CIT: variants seen among roughly 807,000 people sequenced by gnomAD.
CIT encodes citron rho-interacting serine/threonine kinase, also known as citron Rho-interacting kinase.
CIT carries 79 observed loss-of-function variants against 272.7 expected under a neutral mutation model. That is an observed-to-expected ratio of 0.29 (90% CI 0.24 to 0.35). CIT has a LOEUF of 0.35. Ranked by LOEUF, CIT falls within the 10% of genes least tolerant of loss-of-function variation. The pLI is 1.00. For synonymous variants in CIT, 948 were observed against 995.6 expected (o/e 0.95, Z 0.90); for missense variants, 1,909 against 2,618.3 (o/e 0.73, Z 5.91).
At chr12:119,852,376 T>C (rs1970277366) in intron 4 of CIT, among the ~76,000 whole-genome samples, 2 of 152,074 alleles carry the variant, frequency 1.3e-5, no homozygotes, top group African/African-American at 4.8e-5. Context: ...GACAGGACAA[T>C]TAAGTGTCAC....
Position 119,795,177 on chromosome 12 carries a change from T to C in CIT, c.1295+8029A>G, listed in dbSNP as rs203348. Among the ~76,000 whole-genome samples the C allele has an allele frequency of 8.3e-3, 1,257 of 151,060 alleles. 17 individuals carry two copies. Among genetic ancestry groups the C allele is most frequent in the African/African-American group, 0.029 (1,192 of 41,124 alleles). Reference sequence around the variant, plus strand: ...CTGGCAGATCACTTGAGGTCAGGAGTTCAAGACAGGCCTGGCCAACATGGT... The same window carrying C: ...CTGGCAGATCACTTGAGGTCAGGAGCTCAAGACAGGCCTGGCCAACATGGT... On this transcript the variant is annotated intron_variant, in intron 10 of 47. Coordinates refer to ENST00000392521, the MANE Select transcript of CIT (RefSeq NM_001206999.2).
In CIT at chr12:119,859,873, C is replaced by G. The variant is rs114224035; in HGVS notation, c.239-2175G>C. 4.8e-3 allele frequency among the ~76,000 whole-genome samples: 735 copies of G among 152,160 alleles called. 5 individuals carry two copies. Among genetic ancestry groups the G allele is most frequent in the African/African-American group, 0.017 (696 of 41,530 alleles). ...CCAGGCTGGAATGCAGTGGTGAAATCATAGAATCATAACTCACTGCAGCCT... is the reference window on the plus strand; with the variant it reads ...CCAGGCTGGAATGCAGTGGTGAAATGATAGAATCATAACTCACTGCAGCCT... On this transcript the variant is annotated intron_variant, in intron 3 of 47. Transcript: ENST00000392521.
intron 9 of CIT, among the ~76,000 whole-genome samples, chr12:119,814,665 G>A: frequency 6.6e-6 from 1 of 152,114 alleles, no homozygotes; most frequent in Admixed American, 6.5e-5. Context: ...AACAAAACAT[G>A]ACCAGATAAC....
intron 2 of CIT, 99 bp from the exon 3 acceptor site, chr12:119,869,300 A>T: frequency 8.9e-7 from 1 of 1,125,362 alleles, no homozygotes; most frequent in Non-Finnish European, 1.3e-6. Context: ...AACTCAACTA[A>T]CTGCTCACGA....
Position 119,742,457 on chromosome 12 carries a change from C to T in CIT, c.2912G>A (p.Arg971Lys), listed in dbSNP as rs777434187. Residue 971 changes from arginine (R) to lysine (K), a missense_variant, in exon 24 of 48, where the codon AGA becomes AAA. Arg to Lys is a conservative substitution (Grantham distance 26, BLOSUM62 2). This residue lies in a region of CIT where 530 missense variants were observed against 822.4 expected (regional missense o/e 0.64). Transcript: ENST00000392521. ...ATCAAATTTGCGCTGGATTTCATCT[C>T]TATGTGCCTAAAAGGTAAGAAGTTG... is the stretch of plus-strand genomic sequence containing the variant. ...EEEIQALTAHRDEIQRKFDAL... is the reference protein window; with the variant it reads ...EEEIQALTAHKDEIQRKFDAL... The T allele has an allele frequency of 1.9e-6, 3 of 1,610,312 alleles. No homozygotes were observed. Among genetic ancestry groups the T allele is most frequent in the Admixed American group, 3.4e-5 (2 of 58,984 alleles).
In CIT at chr12:119,822,763, T is replaced by C. The variant is rs554245260; in HGVS notation, c.1111+57A>G. ...CTTTGGGCCAGAACAATCTCAGATCTCTCTTGAGTGTTTCATAATCCCAAC... is the reference window on the plus strand; with the variant it reads ...CTTTGGGCCAGAACAATCTCAGATCCCTCTTGAGTGTTTCATAATCCCAAC... On this transcript the variant is annotated intron_variant, in intron 9 of 47. Coordinates refer to ENST00000392521, the MANE Select transcript of CIT (RefSeq NM_001206999.2). 1.0e-5 allele frequency: 16 copies of C among 1,568,808 alleles called. No homozygotes were observed. The African/African-American group carries it at 2.0e-4, about 20-fold the overall frequency.
At chr12:119,817,078 T>C in intron 9 of CIT, among the ~76,000 whole-genome samples, 1 of 152,214 alleles carries the variant, frequency 6.6e-6, no homozygotes, top group South Asian at 2.1e-4. Context: ...AATCCCAAGA[T>C]TAGAAGTGGG....
intron 20 of CIT, among the ~76,000 whole-genome samples, chr12:119,760,315 G>C (rs981428052): frequency 3.3e-5 from 5 of 151,844 alleles, no homozygotes; most frequent in African/African-American, 1.2e-4. Flanking sequence ...GATTAGAAAA[G>C]AGACAAACAG....
chr12:119,775,653 A>G, intron 16 of CIT, 133 bp downstream of exon 16: 1 of 657,656 alleles, frequency 1.5e-6, no homozygotes, highest in Non-Finnish European at 2.7e-6. Context: ...GTAATCGCTC[A>G]CTCCCCCTTC....
In CIT at chr12:119,713,564, G is replaced by A; in HGVS notation, c.4391C>T (p.Thr1464Ile). ...GLPAEYATHF[T>I]EAFCRDKMNS... ...CATTTTGTCACGGCAGAAGGCCTCGGTGAAGTGTGTGGCATATTCAGCAGG... is the reference window on the plus strand; with the variant it reads ...CATTTTGTCACGGCAGAAGGCCTCGATGAAGTGTGTGGCATATTCAGCAGG... The change falls in exon 34 of 48, where the codon ACC (threonine) becomes ATC (isoleucine). Residue 1464 changes from threonine (T) to isoleucine (I), a missense_variant. Around this residue, in one of 8 missense-constraint regions of CIT, gnomAD observed 780 missense variants for 1,067.2 expected, o/e 0.73. Transcript: ENST00000392521. The surrounding 1 kb of genome is among the most constrained non-coding windows in gnomAD (Gnocchi z 5.2). 1.2e-6 allele frequency: 2 copies of A among 1,614,260 alleles called. No individual in the cohort carries two copies. Among genetic ancestry groups the A allele is most frequent in the East Asian group, 4.5e-5 (2 of 44,886 alleles).
intron 2 of CIT, among the ~76,000 whole-genome samples, chr12:119,869,790 AG>A (rs1950615141): frequency 6.6e-6 from 1 of 152,220 alleles, no homozygotes; most frequent in African/African-American, 2.4e-5. Flanking sequence ...TTTCAAAATC[AG>A]GAGATTCCAT....
chr12:119,801,824 T>C (rs567719416), intron 10 of CIT, among the ~76,000 whole-genome samples: 11 of 152,180 alleles, frequency 7.2e-5, no homozygotes, highest in Non-Finnish European at 1.5e-4. Flanking sequence ...GCTTTGGGGT[T>C]GTGGAGCAAA....
At chr12:119,711,126 A>G (rs540447215) in intron 37 of CIT, 1 of 1,365,338 alleles carries the variant, frequency 7.3e-7, no homozygotes, top group East Asian at 4.5e-5. Flanking sequence ...GATTTCAGTA[A>G]AAGCTCACGT....
chr12:119,843,566 C>T (rs1593928158), intron 5 of CIT, among the ~76,000 whole-genome samples: 1 of 152,082 alleles, frequency 6.6e-6, no homozygotes, highest in African/African-American at 2.4e-5. Flanking sequence ...AATTCCAGCA[C>T]TTTGGGAGGC....
chr12:119,787,730 C>CAAA (rs61554565), intron 10 of CIT, among the ~76,000 whole-genome samples: 5 of 49,054 alleles, frequency 1.0e-4, no homozygotes, highest in South Asian at 1.1e-3. Context: ...GACTCCGTCT[C>CAAA]AAAAAAAAAA....
chr12:119,718,670 T>C lies in CIT; in HGVS notation c.4003+29A>G, dbSNP rs764435114. 3.1e-6 allele frequency: 5 copies of C among 1,611,642 alleles called. No individual in the cohort carries two copies. The highest frequency in any genetic ancestry group is 4.2e-6 in the Non-Finnish European group (5 of 1,179,380). On this transcript the variant is annotated intron_variant, in intron 31 of 47. Transcript: ENST00000392521. This position sits in a 1 kb window ranked among gnomAD's most constrained non-coding sequence, Gnocchi z 4.8. Reference sequence around the variant, plus strand: ...CAATCCTCTGCCTTTTCCACATCCTTGAGCATTTTGGAGAGAGTGAGCCCC... The same window carrying C: ...CAATCCTCTGCCTTTTCCACATCCTCGAGCATTTTGGAGAGAGTGAGCCCC...
At chr12:119,856,629 C>A (rs568789438) in intron 4 of CIT, among the ~76,000 whole-genome samples, 22 of 152,182 alleles carry the variant, frequency 1.4e-4, no homozygotes, top group African/African-American at 4.8e-4. Context: ...CTCATCACTT[C>A]TCTCTGCCGA....
chr12:119,857,544 C>G lies in CIT; in HGVS notation c.393G>C (p.Lys131Asn). Reference sequence around the variant, plus strand: ...CTACCTGCTCCTGGGCCAATAAAGCCTTCTTCTTCATCACTTTCATAGCAT... The same window carrying G: ...CTACCTGCTCCTGGGCCAATAAAGCGTTCTTCTTCATCACTTTCATAGCAT... ...DIYAMKVMKK[K>N]ALLAQEQVSF... Residue 131 changes from lysine (K) to asparagine (N), a missense_variant, in exon 4 of 48, where the codon AAG becomes AAC. Physicochemically the swap from Lys to Asn is moderately conservative, Grantham distance 94. Around this residue, in one of 8 missense-constraint regions of CIT, gnomAD observed 529 missense variants for 549.6 expected, o/e 0.96. Transcript: ENST00000392521. 1 of 1,614,064 alleles carries G rather than the reference C, an allele frequency of 6.2e-7. No individual in the cohort carries two copies. Among genetic ancestry groups the G allele is most frequent in the Non-Finnish European group, 8.5e-7 (1 of 1,179,996 alleles).
At chr12:119,869,281 C>A (rs981287117) in intron 2 of CIT, 80 bp from the exon 3 acceptor site, 3 of 1,402,110 alleles carry the variant, frequency 2.1e-6, no homozygotes, top group Non-Finnish European at 2.9e-6. Context: ...GAGTAAATTA[C>A]AAGCCACCAA....
Sources: gnomAD v4.1 joint callset for allele counts (sites outside exome capture counted in the v4.1 genomes callset) on GRCh38, gnomAD v4.1.1 for gene constraint, gnomAD v4.1.1 regional missense constraint, Gnocchi (gnomAD v3.1) non-coding constraint, MANE v1.5 for transcripts, NCBI Gene and HGNC (gene_info 2026-07-23, HGNC 2026-07-21) for gene names.